Variants in MYH10 observed in about 807,000 individuals in gnomAD.
The protein encoded by MYH10 is myosin heavy chain 10.
Under a neutral mutation model 257.8 loss-of-function variants are expected in MYH10, and 55 were observed. That is an observed-to-expected ratio of 0.21 (90% CI 0.17 to 0.27). The LOEUF is 0.27. MYH10 is among the 10% of genes least tolerant of loss of function. MYH10 has a pLI of 1.00. For synonymous variants in MYH10, 854 were observed against 921.7 expected (o/e 0.93, Z 1.33); for missense variants, 1,631 against 2,500.6 (o/e 0.65, Z 7.42).
At chr17:8,550,567 G>T (rs2082605418) in intron 9 of MYH10, among the ~76,000 whole-genome samples, 1 of 151,826 alleles carries the variant, frequency 6.6e-6, no homozygotes, top group Non-Finnish European at 1.5e-5. Flanking sequence ...GAGGTGAGGG[G>T]CGCCTCTGCC....
intron 2 of MYH10, among the ~76,000 whole-genome samples, chr17:8,612,450 G>A (rs2085077769): frequency 6.6e-6 from 1 of 152,170 alleles, no homozygotes; most frequent in Non-Finnish European, 1.5e-5. Flanking sequence ...CTGAAAGAGG[G>A]AGAGAAACCA....
At chr17:8,499,628 C>G in intron 29 of MYH10, 152 bp from the exon 30 acceptor site, 1 of 733,648 alleles carries the variant, frequency 1.4e-6, no homozygotes, top group African/African-American at 1.8e-5. Context: ...TTGCTGTTCT[C>G]TGAGTGTGAG....
rs759440535 is a variant in MYH10, at chr17:8,480,475, A to C, written c.5315T>G (p.Leu1772Arg). 2.2e-5 allele frequency: 35 copies of C among 1,612,162 alleles called. No individual in the cohort carries two copies. Among genetic ancestry groups the C allele is most frequent in the Non-Finnish European group, 3.4e-6 (4 of 1,179,972 alleles). Residue 1772 changes from leucine (L) to arginine (R), a missense_variant, in exon 39 of 43, where the codon CTG (leucine) becomes CGG (arginine). Coordinates refer to ENST00000360416, the MANE Select transcript of MYH10 (RefSeq NM_001256012.3). ...CTGCTCCTCTTCCAGCTCCTCCTCC[A>C]GCTGTGCGATCCGAGCTTCCAGACG... ...KRRLEARIAQ[L>R]EEELEEEQSN...
In MYH10 at chr17:8,569,747, A is replaced by C. The variant is rs780659376; in HGVS notation, c.729T>G (p.Thr243=). 6.2e-7 allele frequency: 1 copy of C among 1,611,006 alleles called. No homozygotes were observed. Among genetic ancestry groups the C allele is most frequent in the Non-Finnish European group, 8.5e-7 (1 of 1,178,672 alleles). ...PILESFGNAK[T]VKNDNSSRFG... ...AACGAGATGAGTTATCATTTTTCAC[A>C]GTCTTCGCATTTCCAAATGATTCCA... Residue 243 remains threonine, a synonymous_variant, in exon 7 of 43, where the codon ACT becomes ACG. Coordinates refer to ENST00000360416, the MANE Select transcript of MYH10 (RefSeq NM_001256012.3). The surrounding 1 kb of genome is among the most constrained non-coding windows in gnomAD (Gnocchi z 4.1).
chr17:8,535,581 C>T lies in MYH10; in HGVS notation c.1780-80G>A. 1 of 1,366,400 alleles carries T rather than the reference C, an allele frequency of 7.3e-7. No individual in the cohort carries two copies. Among genetic ancestry groups the T allele is most frequent in the Middle Eastern group, 1.9e-4 (1 of 5,390 alleles). 84.6% of individuals were successfully genotyped at this position (1,366,400 alleles called of 1,614,324 possible). On this transcript the variant is annotated intron_variant, in intron 15 of 42. Coordinates refer to ENST00000360416, the MANE Select transcript of MYH10 (RefSeq NM_001256012.3). This position sits in a 1 kb window ranked among gnomAD's most constrained non-coding sequence, Gnocchi z 4.3. ...AAAACAAAAACACTTTAAGCCTCAACCAGAAACTTTTATACAACAGTCCCC... is the reference window on the plus strand; with the variant it reads ...AAAACAAAAACACTTTAAGCCTCAATCAGAAACTTTTATACAACAGTCCCC...
At position 8,509,955 on chromosome 17, in the gene MYH10, G is replaced by C. The variant is rs1457055946; in HGVS notation, c.2953-6C>G. The C allele has an allele frequency of 1.2e-6, 2 of 1,606,660 alleles. No homozygotes were observed. Among genetic ancestry groups the C allele is most frequent in the African/African-American group, 2.7e-5 (2 of 74,246 alleles). ...TCTAGCTGTTCTTCCAGGTCCTTGT[G>C]AAGAACACACAGTCAGTCTCGCCAC... is the stretch of plus-strand genomic sequence containing the variant. On this transcript the variant is annotated splice_region_variant and splice_polypyrimidine_tract_variant and intron_variant, in intron 24 of 42. Coordinates refer to ENST00000360416, the MANE Select transcript of MYH10 (RefSeq NM_001256012.3).
At chr17:8,562,661 T>C (rs1243866286) in intron 7 of MYH10, among the ~76,000 whole-genome samples, 1 of 152,224 alleles carries the variant, frequency 6.6e-6, no homozygotes. Context: ...GTACCTTGTG[T>C]ATTAATTACA....
At chr17:8,483,312 AAGG>A (rs1470523975) in intron 37 of MYH10, among the ~76,000 whole-genome samples, 7 of 152,220 alleles carry the variant, frequency 4.6e-5, no homozygotes, top group South Asian at 2.1e-4. Context: ...TCAGAAAAAA[AAGG>A]AGCAAAAAAT....
In MYH10 at chr17:8,552,147, G is replaced by A; in HGVS notation, c.821-3C>T. Reference sequence around the variant, plus strand: ...AGCACGAGACTTTTCCAGAAGGTCTGAGCAAAGACAGTTAAGAATTAAATT... The same window carrying A: ...AGCACGAGACTTTTCCAGAAGGTCTAAGCAAAGACAGTTAAGAATTAAATT... On this transcript the variant is annotated splice_polypyrimidine_tract_variant and splice_region_variant and intron_variant, in intron 8 of 42. Transcript: ENST00000360416. This position sits in a 1 kb window ranked among gnomAD's most constrained non-coding sequence, Gnocchi z 4.8. The A allele has an allele frequency of 5.3e-6, 8 of 1,496,036 alleles. No individual in the cohort carries two copies. Among genetic ancestry groups the A allele is most frequent in the Non-Finnish European group, 7.2e-6 (8 of 1,106,806 alleles). The allele number at this position is 1,496,036 out of a possible 1,614,324, so 92.7% of individuals were successfully genotyped here. A position where few individuals can be genotyped will look rare whatever the true frequency, so the allele number is the denominator to read the frequency against.
chr17:8,497,009 G>A (rs539637001), intron 30 of MYH10, among the ~76,000 whole-genome samples: 3 of 152,306 alleles, frequency 2.0e-5, no homozygotes, highest in East Asian at 1.9e-4. Flanking sequence ...AACATTTCAC[G>A]CATGCTGTCA....
chr17:8,595,104 G>A (rs995722374), intron 3 of MYH10, among the ~76,000 whole-genome samples: 10 of 152,126 alleles, frequency 6.6e-5, no homozygotes, highest in African/African-American at 2.4e-4. Context: ...TGAACTACTG[G>A]TGAATGAATC....
intron 7 of MYH10, 87 bp from the exon 8 acceptor site, chr17:8,554,105 C>A: frequency 2.2e-6 from 2 of 910,222 alleles, no homozygotes; most frequent in Non-Finnish European, 3.5e-6. Context: ...CAACAAGTAT[C>A]CATGAATTAG....
Position 8,492,277 on chromosome 17 carries a change from G to T in MYH10, c.4671+20C>A. 6.2e-7 allele frequency: 1 copy of T among 1,607,758 alleles called. No individual in the cohort carries two copies. Among genetic ancestry groups the T allele is most frequent in the South Asian group, 1.1e-5 (1 of 91,026 alleles). Reference sequence around the variant, plus strand: ...GGATACTCTCCCGTGCGGAAGTGTGGAGCCCACCAGGCGACTTACGTTTTT... The same window carrying T: ...GGATACTCTCCCGTGCGGAAGTGTGTAGCCCACCAGGCGACTTACGTTTTT... On this transcript the variant is annotated intron_variant, in intron 34 of 42. Coordinates refer to ENST00000360416, the MANE Select transcript of MYH10 (RefSeq NM_001256012.3).
intron 2 of MYH10, among the ~76,000 whole-genome samples, chr17:8,621,711 A>G (rs1376587477): frequency 6.6e-6 from 1 of 152,184 alleles, no homozygotes; most frequent in Non-Finnish European, 1.5e-5. Context: ...AGGGAGATCT[A>G]TCAGGCTTGG....
chr17:8,494,339 G>C (rs1296064539), intron 31 of MYH10, among the ~76,000 whole-genome samples: 1 of 152,194 alleles, frequency 6.6e-6, no homozygotes, highest in African/African-American at 2.4e-5. Flanking sequence ...CTTCTAAAAT[G>C]TAAGCACAAA....
intron 3 of MYH10, among the ~76,000 whole-genome samples, chr17:8,601,298 G>A (rs2084582115): frequency 1.3e-5 from 2 of 152,180 alleles, no homozygotes; most frequent in South Asian, 2.1e-4. Flanking sequence ...GACCTCAGAT[G>A]ATTATGTGCA....
intron 3 of MYH10, among the ~76,000 whole-genome samples, chr17:8,601,050 G>T (rs937963393): frequency 3.2e-4 from 48 of 152,212 alleles, no homozygotes; most frequent in Middle Eastern, 3.2e-3. Context: ...ATTCCATGAA[G>T]ATGGTGGACT....
chr17:8,601,428 T>C (rs410745), intron 3 of MYH10, among the ~76,000 whole-genome samples: 147,878 of 152,308 alleles, frequency 0.97, 71,956 homozygotes, highest in Middle Eastern at 1. Context: ...GTATGCAAGA[T>C]GAAGCGTATC....
chr17:8,499,481 G>A lies in MYH10; in HGVS notation c.3745-5C>T, dbSNP rs1316002529. On this transcript the variant is annotated splice_region_variant and splice_polypyrimidine_tract_variant and intron_variant, in intron 29 of 42. Coordinates refer to ENST00000360416, the MANE Select transcript of MYH10 (RefSeq NM_001256012.3). ...CTTCTCTAGATTTGCTTTGAACTAG[G>A]AGACGGAAGGGAAAACATAATTCAC... The A allele has an allele frequency of 3.1e-6, 5 of 1,613,870 alleles. No homozygotes were observed. The highest frequency in any genetic ancestry group is 3.4e-6 in the Non-Finnish European group (4 of 1,179,802).
Sources: gnomAD v4.1 joint callset for allele counts (sites outside exome capture counted in the v4.1 genomes callset) on GRCh38, gnomAD v4.1.1 for gene constraint, Gnocchi (gnomAD v3.1) non-coding constraint, MANE v1.5 for transcripts, NCBI Gene and HGNC (gene_info 2026-07-23, HGNC 2026-07-21) for gene names.